The following OGDH variants were observed in gnomAD, a reference collection of about 807,000 sequenced individuals.
The protein encoded by OGDH is 2-oxoglutarate dehydrogenase complex component E1.
Under a neutral mutation model 116.6 loss-of-function variants are expected in OGDH, and 38 were observed. That is an observed-to-expected ratio of 0.33 (90% CI 0.25 to 0.43). The LOEUF (loss-of-function observed/expected upper bound fraction) is 0.43. Ranked by LOEUF, OGDH falls within the 20% of genes least tolerant of loss-of-function variation. The pLI is 1.00. For synonymous variants in OGDH, 488 were observed against 533.3 expected, an observed-to-expected ratio of 0.92 and a Z score of 1.17; for missense variants, 825 against 1,357.2, an observed-to-expected ratio of 0.61 and a Z score of 6.16.
At chr7:44,662,825 C>T (rs559859783) in intron 4 of OGDH, among the ~76,000 whole-genome samples, 2 of 152,196 alleles carry the variant, frequency 1.3e-5, no homozygotes, top group African/African-American at 2.4e-5. Flanking sequence ...AATTGTTTTC[C>T]CTATAGGTAA....
chr7:44,692,801 G>A (rs766510455), intron 10 of OGDH, among the ~76,000 whole-genome samples: 10 of 151,946 alleles, frequency 6.6e-5, no homozygotes, highest in Non-Finnish European at 1.5e-4. Context: ...TTGGGAGGCC[G>A]AGGCAGAAGG....
chr7:44,616,793 ATG>A (rs1202000699), intron 1 of OGDH, among the ~76,000 whole-genome samples: 1 of 105,900 alleles, frequency 9.4e-6, no homozygotes, highest in African/African-American at 3.1e-5. Context: ...GCATATATAT[ATG>A]TGTATATATA....
intron 10 of OGDH, among the ~76,000 whole-genome samples, chr7:44,688,871 TC>T (rs1585371683): frequency 6.6e-6 from 1 of 152,038 alleles, no homozygotes; most frequent in African/African-American, 2.4e-5. Flanking sequence ...TGCCTGAACC[TC>T]CCGAGTAGCT....
At chr7:44,640,397 C>T (rs57058488) in intron 2 of OGDH, among the ~76,000 whole-genome samples, 10,335 of 152,152 alleles carry the variant, frequency 0.068, 1,128 homozygotes, top group African/African-American at 0.23. Context: ...CACAGAGAGC[C>T]TCAGTAAAAG....
At chr7:44,622,995 G>A (rs1785060687) in intron 1 of OGDH, 1 of 152,156 alleles carries the variant, frequency 6.6e-6, no homozygotes, top group Non-Finnish European at 1.5e-5. Context: ...GAGGGCCCAG[G>A]GTAGGCAGGC....
intron 1 of OGDH, among the ~76,000 whole-genome samples, chr7:44,623,167 G>A (rs1473303046): frequency 2.6e-5 from 4 of 152,044 alleles, no homozygotes; most frequent in Non-Finnish European, 5.9e-5. Context: ...CTTACCCTTC[G>A]TAGTACCATG....
In OGDH at chr7:44,645,500, G is replaced by A. The variant is rs41280648; in HGVS notation, c.396G>A (p.Ser132=). 63,840 of 1,614,050 alleles carry A rather than the reference G, an allele frequency of 0.04. 1,523 individuals carry two copies. Among genetic ancestry groups the A allele is most frequent in the Middle Eastern group, 0.055 (333 of 6,062 alleles). The part of the protein sequence containing the change: ...KLVEDHLAVQ[S]LIRAYQIRGH... ...TGGAGGACCACCTGGCAGTGCAGTCGCTCATCAGGGCATATCAGGTAAGGC... is the reference window on the plus strand; with the variant it reads ...TGGAGGACCACCTGGCAGTGCAGTCACTCATCAGGGCATATCAGGTAAGGC... The change falls in exon 3 of 23, where the codon TCG becomes TCA. Residue 132 remains serine, a synonymous_variant. Coordinates refer to ENST00000222673, the MANE Select transcript of OGDH (RefSeq NM_002541.4).
intron 9 of OGDH, among the ~76,000 whole-genome samples, chr7:44,680,755 G>A (rs1346807621): frequency 6.6e-6 from 1 of 152,144 alleles, no homozygotes; most frequent in Admixed American, 6.6e-5. Context: ...TCCAGGGCTG[G>A]ACAGGGACAG....
chr7:44,630,269 G>A (rs1785380805), intron 2 of OGDH, among the ~76,000 whole-genome samples: 1 of 152,212 alleles, frequency 6.6e-6, no homozygotes, highest in Non-Finnish European at 1.5e-5. Flanking sequence ...CAGGAGCCCT[G>A]CTCCAAGTTA....
chr7:44,620,333 T>C (rs1784965006), intron 1 of OGDH, among the ~76,000 whole-genome samples: 1 of 152,272 alleles, frequency 6.6e-6, no homozygotes, highest in African/African-American at 2.4e-5. Context: ...ATTTTTTATT[T>C]TGATGAAATC....
intron 4 of OGDH, among the ~76,000 whole-genome samples, chr7:44,663,965 TG>T (rs1787067864): frequency 6.6e-6 from 1 of 151,800 alleles, no homozygotes; most frequent in African/African-American, 2.4e-5. Flanking sequence ...AAAAAGAAAT[TG>T]TTTGATGATG....
intron 1 of OGDH, among the ~76,000 whole-genome samples, chr7:44,616,835 ACACATATACGTG>A (rs1784815735): frequency 2.9e-5 from 4 of 135,794 alleles, no homozygotes; most frequent in Non-Finnish European, 4.7e-5. Context: ...GTGTATATAT[ACACATATACGTG>A]TATATATATA....
intron 4 of OGDH, among the ~76,000 whole-genome samples, chr7:44,660,842 C>T (rs1164030436): frequency 6.6e-6 from 1 of 152,072 alleles, no homozygotes; most frequent in African/African-American, 2.4e-5. Context: ...GTGGTAGGAT[C>T]ATTTGAGCCC....
Position 44,707,219 on chromosome 7 carries a change from T to C in OGDH, c.2633-6T>C, listed in dbSNP as rs1371496929. 2 of 1,613,756 alleles carry C rather than the reference T, an allele frequency of 1.2e-6. No homozygotes were observed. The highest frequency in any genetic ancestry group is 1.7e-5 in the Admixed American group (1 of 59,998). ...AACCAGCCTAGCCATGGGAACTCTC[T>C]TGTAGGAACCCACTTCCAGCGGGTG... On this transcript the variant is annotated splice_polypyrimidine_tract_variant and splice_region_variant and intron_variant, in intron 20 of 22. Transcript: ENST00000222673. This position sits in a 1 kb window ranked among gnomAD's most constrained non-coding sequence, Gnocchi z 5.2.
At chr7:44,662,152 G>A (rs1205692250) in intron 4 of OGDH, among the ~76,000 whole-genome samples, 1 of 152,148 alleles carries the variant, frequency 6.6e-6, no homozygotes, top group African/African-American at 2.4e-5. Context: ...ACATAATTTA[G>A]AAGACCCAAG....
chr7:44,688,505 A>C (rs1187842847), intron 10 of OGDH, among the ~76,000 whole-genome samples: 110 of 133,104 alleles, frequency 8.3e-4, no homozygotes, highest in African/African-American at 3.0e-3. Context: ...ATCTCGGCTC[A>C]TTGCAAGCTC....
chr7:44,664,210 C>G (rs1562651454), intron 4 of OGDH, among the ~76,000 whole-genome samples: 1 of 152,172 alleles, frequency 6.6e-6, no homozygotes, highest in Non-Finnish European at 1.5e-5. Flanking sequence ...AGGGCACCAC[C>G]TTGTTATTGC....
rs149481693 is a variant in OGDH, at chr7:44,636,636, CT to C, written c.223-8688del. Among the ~76,000 whole-genome samples the C allele has an allele frequency of 3.6e-3, 544 of 152,328 alleles. 4 individuals are homozygous for C. The highest frequency in any genetic ancestry group is 0.013 in the African/African-American group (529 of 41,566). ...GAGCACTGAGGATACTGTTTCTAGC[CT>C]TTCAAGAGCTTCCTTTGAAGAAAGA... On this transcript the variant is annotated intron_variant, in intron 2 of 22. Coordinates refer to ENST00000222673, the MANE Select transcript of OGDH (RefSeq NM_002541.4).
intron 4 of OGDH, among the ~76,000 whole-genome samples, chr7:44,649,245 GTTT>G (rs373846462): frequency 5.1e-5 from 5 of 97,720 alleles, no homozygotes; most frequent in African/African-American, 1.3e-4. Flanking sequence ...ATTTTCTGTT[GTTT>G]TTTTTTTTTT....
Sources: allele counts gnomAD v4.1 joint callset (sites outside exome capture counted in the v4.1 genomes callset), GRCh38; gene constraint gnomAD v4.1.1; non-coding constraint Gnocchi (gnomAD v3.1); transcripts MANE v1.5; gene names NCBI Gene and HGNC (gene_info 2026-07-23, HGNC 2026-07-21).